Variants in LEPR observed in about 807,000 individuals in gnomAD.
The protein encoded by LEPR is OB receptor.
Under a neutral mutation model 114.7 loss-of-function variants are expected in LEPR, and 56 were observed. The ratio of observed to expected loss-of-function variants is 0.49; its 90% confidence interval spans 0.39 to 0.61. The LOEUF (loss-of-function observed/expected upper bound fraction) is 0.61. LEPR is among the 20% of genes least tolerant of loss of function. LEPR has a pLI of 0.00. For missense variants in LEPR, 1,202 were observed against 1,352.9 expected (o/e 0.89, Z 1.75); for synonymous variants, 443 against 461.4 (o/e 0.96, Z 0.51).
At chr1:65,425,265 A>G (rs1403329605) in intron 1 of LEPR, 38 bp from the exon 2 acceptor site, 1 of 1,586,018 alleles carries the variant, frequency 6.3e-7, no homozygotes, top group Non-Finnish European at 8.7e-7. Context: ...GACAACCTCT[A>G]CTGTGGGAAC....
chr1:65,459,913 T>C (rs1646923432), intron 2 of LEPR, among the ~76,000 whole-genome samples: 2 of 152,168 alleles, frequency 1.3e-5, no homozygotes, highest in African/African-American at 4.8e-5. Context: ...CCCCTATATC[T>C]TTATATAACT....
At chr1:65,604,769 A>T (rs371426611) in intron 10 of LEPR, among the ~76,000 whole-genome samples, 3 of 152,152 alleles carry the variant, frequency 2.0e-5, no homozygotes, top group East Asian at 1.9e-4. Context: ...GCAGCATTAG[A>T]TTCTTAGAGG....
At chr1:65,536,292 T>C (rs1238212896) in intron 2 of LEPR, among the ~76,000 whole-genome samples, 1 of 152,182 alleles carries the variant, frequency 6.6e-6, no homozygotes, top group Admixed American at 6.6e-5. Flanking sequence ...GATCTCTGCA[T>C]GCTGGCTTCC....
chr1:65,463,023 G>A (rs1057349900), intron 2 of LEPR, among the ~76,000 whole-genome samples: 8 of 152,032 alleles, frequency 5.3e-5, no homozygotes, highest in African/African-American at 1.9e-4. Flanking sequence ...GTCAATTTTG[G>A]CTTTTGTTGC....
At chr1:65,590,302 G>A (rs535291251) in intron 5 of LEPR, among the ~76,000 whole-genome samples, 21 of 82,636 alleles carry the variant, frequency 2.5e-4, no homozygotes, top group Admixed American at 7.7e-4. Context: ...TAGCAATATC[G>A]TGCTTTCAGT....
At chr1:65,500,654 A>G (rs1648399174) in intron 2 of LEPR, among the ~76,000 whole-genome samples, 1 of 152,216 alleles carries the variant, frequency 6.6e-6, no homozygotes, top group Admixed American at 6.6e-5. Context: ...CTGTAAGAAT[A>G]TAGTATATAA....
rs571203789 is a variant in LEPR, at chr1:65,574,943, T to A, written c.494+2494T>A. 3.9e-5 allele frequency among the ~76,000 whole-genome samples: 6 copies of A among 152,184 alleles called. No homozygotes were observed. In the South Asian group the frequency reaches 1.2e-3, roughly 32 times the overall value. On this transcript the variant is annotated intron_variant, in intron 5 of 19. Transcript: ENST00000349533. Reference sequence around the variant, plus strand: ...AGAGGTTGCCAGAACAAAGGGAAACTTGAAGAAAGGACCCGGAAGAGCTGA... The same window carrying A: ...AGAGGTTGCCAGAACAAAGGGAAACATGAAGAAAGGACCCGGAAGAGCTGA...
intron 3 of LEPR, among the ~76,000 whole-genome samples, chr1:65,569,680 C>T (rs996606318): frequency 3.6e-5 from 5 of 139,808 alleles, no homozygotes; most frequent in African/African-American, 1.4e-4. Context: ...GCACTCCAGC[C>T]TGAGCAACAA....
intron 19 of LEPR, among the ~76,000 whole-genome samples, chr1:65,632,384 T>G (rs916219994): frequency 6.6e-6 from 1 of 152,172 alleles, no homozygotes; most frequent in Admixed American, 6.5e-5. Flanking sequence ...TTGTTCCTTA[T>G]AGCCCTCAGG....
chr1:65,596,351 C>A, intron 6 of LEPR, 97 bp from the exon 7 acceptor site: 1 of 1,473,898 alleles, frequency 6.8e-7, no homozygotes, highest in Non-Finnish European at 9.3e-7. Flanking sequence ...ACTTGAAAGG[C>A]AAGATATGAT....
rs192825082 is a variant in LEPR at position 65,616,058 on chromosome 1, C to T, written c.2046C>T (p.Asn682=). The T allele has an allele frequency of 2.8e-5, 46 of 1,614,114 alleles. No individual in the cohort carries two copies. In the East Asian group the frequency reaches 6.5e-4, roughly 23 times the overall value. Residue 682 remains asparagine, a synonymous_variant, in exon 15 of 20, where the codon AAC becomes AAT. Transcript: ENST00000349533. ...SLCSVQRYVI[N]HHTSCNGTWS... is the part of the protein sequence containing the mutation. Reference sequence around the variant, plus strand: ...GCAGTGTTCAGAGATATGTGATAAACCATCATACTTCCTGCAATGGAACAT... The same window carrying T: ...GCAGTGTTCAGAGATATGTGATAAATCATCATACTTCCTGCAATGGAACAT...
chr1:65,518,963 CTT>C (rs1408251940), intron 2 of LEPR, among the ~76,000 whole-genome samples: 2 of 127,930 alleles, frequency 1.6e-5, no homozygotes, highest in African/African-American at 5.8e-5. Context: ...TCTTCTTTTT[CTT>C]TTCTTTTTCT....
intron 2 of LEPR, among the ~76,000 whole-genome samples, chr1:65,548,996 C>T (rs1037996130): frequency 5.3e-5 from 8 of 152,082 alleles, no homozygotes; most frequent in African/African-American, 1.9e-4. Context: ...TCTTTCAGGG[C>T]AGGCCTGGTG....
chr1:65,539,288 G>A (rs1651013793), intron 2 of LEPR, among the ~76,000 whole-genome samples: 1 of 150,740 alleles, frequency 6.6e-6, no homozygotes, highest in Non-Finnish European at 1.5e-5. Flanking sequence ...TGTGTCCCTG[G>A]TGGTTAGTTT....
At position 65,501,631 on chromosome 1, in the gene LEPR, A is replaced by C. The variant is rs140916755; in HGVS notation, c.-20-63915A>C. 2.8e-3 allele frequency among the ~76,000 whole-genome samples: 433 copies of C among 152,074 alleles called. 3 individuals are homozygous for C. The highest frequency in any genetic ancestry group is 0.01 in the African/African-American group (422 of 41,500). ...TTGAACACATCTTTTGGGGGGATAC[A>C]ATTCAACCCAAAACAGTAGCGTTCC... On this transcript the variant is annotated intron_variant, in intron 2 of 19. Coordinates refer to ENST00000349533, the MANE Select transcript of LEPR (RefSeq NM_002303.6).
rs1040661194 is a variant in LEPR, at chr1:65,433,448, A to G, written c.-21+8070A>G. 97 of 985,330 alleles carry G rather than the reference A, an allele frequency of 9.8e-5. No individual in the cohort carries two copies. The Middle Eastern group carries it at 1.5e-3, about 16-fold the overall frequency. The allele number at this position is 985,330 out of a possible 1,614,324, so 61.0% of individuals were successfully genotyped here. ...ATCTATTGAGAAAGGGAAATATGGGAAGGAGAACCATTTGATCAGAATACA... is the reference window on the plus strand; with the variant it reads ...ATCTATTGAGAAAGGGAAATATGGGGAGGAGAACCATTTGATCAGAATACA... On this transcript the variant is annotated intron_variant, in intron 2 of 19. Coordinates refer to ENST00000349533, the MANE Select transcript of LEPR (RefSeq NM_002303.6).
chr1:65,588,305 T>G (rs555172638), intron 5 of LEPR, among the ~76,000 whole-genome samples: 11 of 151,458 alleles, frequency 7.3e-5, no homozygotes, highest in Non-Finnish European at 1.5e-4. Context: ...TAATTATAAT[T>G]TTTTTTTTAA....
At chr1:65,547,364 G>A (rs1353396691) in intron 2 of LEPR, among the ~76,000 whole-genome samples, 1 of 152,072 alleles carries the variant, frequency 6.6e-6, no homozygotes, top group South Asian at 2.1e-4. Flanking sequence ...ATTGATTGGA[G>A]TTGTTTCAGA....
intron 5 of LEPR, among the ~76,000 whole-genome samples, chr1:65,590,748 T>C (rs1401261561): frequency 6.6e-6 from 1 of 152,124 alleles, no homozygotes; most frequent in Non-Finnish European, 1.5e-5. Flanking sequence ...TTAAAGCTTC[T>C]TTCATGTTTT....
Sources: gnomAD v4.1 joint callset for allele counts (sites outside exome capture counted in the v4.1 genomes callset) on GRCh38, gnomAD v4.1.1 for gene constraint, MANE v1.5 for transcripts, NCBI Gene and HGNC (gene_info 2026-07-23, HGNC 2026-07-21) for gene names.